ZNF827: variants seen among roughly 807,000 people sequenced by gnomAD.
ZNF827 encodes the protein zinc finger protein 827.
A neutral mutation model predicts 102.4 loss-of-function variants in ZNF827; 13 were observed. The observed-to-expected ratio is 0.13, with a 90% CI of 0.08 to 0.20. The LOEUF is 0.20. Among genes scored for constraint, ZNF827 ranks in the 10% least tolerant of loss-of-function variants. The pLI is 1.00. For missense variants in ZNF827, 1,103 were observed against 1,344.4 expected, an observed-to-expected ratio of 0.82 and a Z score of 2.81; for synonymous variants, 523 against 536.2, an observed-to-expected ratio of 0.98 and a Z score of 0.34.
At position 145,823,318 on chromosome 4, in the gene ZNF827, A is replaced by T. The variant is rs978422146; in HGVS notation, c.2383+104T>A. On this transcript the variant is annotated intron_variant, in intron 8 of 14. Coordinates refer to ENST00000508784, the MANE Select transcript of ZNF827 (RefSeq NM_001306215.2). ...CTTTTCTAAAACCTAACCTTATATG[A>T]ATAACTACATCCGTAAGCTGAAAGT... 1.2e-5 allele frequency: 11 copies of T among 931,124 alleles called. No individual in the cohort carries two copies. The African/African-American group carries it at 1.7e-4, about 14-fold the overall frequency. The allele number at this position is 931,124 out of a possible 1,614,324, so 57.7% of individuals were successfully genotyped here.
At chr4:145,802,867 G>A (rs1741051997) in intron 8 of ZNF827, among the ~76,000 whole-genome samples, 1 of 152,176 alleles carries the variant, frequency 6.6e-6, no homozygotes. Context: ...TTGAGCCTTG[G>A]AGATTGAGGC....
intron 4 of ZNF827, among the ~76,000 whole-genome samples, chr4:145,871,860 GA>G (rs1485878048): frequency 6.6e-6 from 1 of 152,128 alleles, no homozygotes; most frequent in Non-Finnish European, 1.5e-5. Flanking sequence ...GAACTATCTG[GA>G]AGTTTCACTA....
intron 5 of ZNF827, among the ~76,000 whole-genome samples, 185 bp from the exon 6 acceptor site, chr4:145,849,746 G>C (rs1433619748): frequency 1.3e-5 from 2 of 152,158 alleles, no homozygotes; most frequent in East Asian, 3.9e-4. Context: ...GAAAAGGTAG[G>C]AGACTTCAGT....
At chr4:145,917,645 T>C (rs1752751733) in intron 1 of ZNF827, among the ~76,000 whole-genome samples, 1 of 140,994 alleles carries the variant, frequency 7.1e-6, no homozygotes, top group Non-Finnish European at 1.5e-5. Flanking sequence ...AGATTGAAGT[T>C]TGGAAACATG....
In ZNF827 at chr4:145,760,734, T is replaced by TTTG; in HGVS notation, c.*881_*882insCAA. 1 of 998,474 alleles carries TTTG rather than the reference T, an allele frequency of 1.0e-6. No individual in the cohort carries two copies. Among genetic ancestry groups the TTTG allele is most frequent in the Non-Finnish European group, 1.2e-6 (1 of 828,770 alleles). 61.9% of individuals were successfully genotyped at this position (998,474 alleles called of 1,614,324 possible). On this transcript the variant is annotated 3_prime_UTR_variant, in exon 15 of 15. Coordinates refer to ENST00000508784, the MANE Select transcript of ZNF827 (RefSeq NM_001306215.2). Reference sequence around the variant, plus strand: ...TAAGTTTTGTGGTTTTTTTTTTTTTTTTTGTCTTTTGTCTCTCTGTTTTTG... The same window carrying TTTG: ...TAAGTTTTGTGGTTTTTTTTTTTTTTTTGTTTGTCTTTTGTCTCTCTGTTTTTG...
chr4:145,918,000 G>A (rs1303560117), intron 1 of ZNF827, among the ~76,000 whole-genome samples: 1 of 152,120 alleles, frequency 6.6e-6, no homozygotes, highest in Non-Finnish European at 1.5e-5. Flanking sequence ...GCAATTTAAA[G>A]AAGTTATTTG....
intron 8 of ZNF827, among the ~76,000 whole-genome samples, chr4:145,785,926 T>A (rs760325455): frequency 3.1e-4 from 47 of 152,210 alleles, no homozygotes; most frequent in Non-Finnish European, 4.9e-4. Context: ...TTATTAAAAG[T>A]ATAAGCCTAG....
intron 1 of ZNF827, among the ~76,000 whole-genome samples, chr4:145,930,978 TACA>T (rs771014463): frequency 5.3e-5 from 8 of 152,188 alleles, no homozygotes; most frequent in Non-Finnish European, 8.8e-5. Flanking sequence ...ACTTTGTAAC[TACA>T]ACAATTCTAG....
intron 8 of ZNF827, among the ~76,000 whole-genome samples, chr4:145,807,374 A>G (rs893297264): frequency 6.6e-6 from 1 of 152,210 alleles, no homozygotes; most frequent in African/African-American, 2.4e-5. Flanking sequence ...AAACTAGAAG[A>G]AGAGAGACAA....
intron 8 of ZNF827, among the ~76,000 whole-genome samples, chr4:145,790,626 C>A (rs57323051): frequency 0.029 from 4,386 of 152,212 alleles, 197 homozygotes; most frequent in African/African-American, 0.099. Flanking sequence ...AGATTGGAAT[C>A]CACTGGTATC....
At chr4:145,907,282 T>G in intron 1 of ZNF827, 1 of 451,974 alleles carries the variant, frequency 2.2e-6, no homozygotes, top group East Asian at 7.0e-5. Context: ...AATGTTGCAG[T>G]GGTCTAGCTA....
rs1259661227 is a variant in ZNF827 at position 145,761,661 on chromosome 4, C to T, written c.*18-63G>A. 1.8e-5 allele frequency: 19 copies of T among 1,037,818 alleles called. No individual in the cohort carries two copies. The highest frequency in any genetic ancestry group is 2.3e-5 in the Non-Finnish European group (18 of 787,152). The allele number at this position is 1,037,818 out of a possible 1,614,324, so 64.3% of individuals were successfully genotyped here. ...AAGGTTCGGAGGCAGCCGCGCTTCT[C>T]GCCGCCTCACCAGCCTTCCCTCACA... On this transcript the variant is annotated intron_variant, in intron 14 of 14. Transcript: ENST00000508784. This position sits in a 1 kb window ranked among gnomAD's most constrained non-coding sequence, Gnocchi z 6.8.
At chr4:145,799,419 CA>C (rs1176577181) in intron 8 of ZNF827, among the ~76,000 whole-genome samples, 3 of 152,148 alleles carry the variant, frequency 2.0e-5, no homozygotes, top group Non-Finnish European at 4.4e-5. Context: ...GGAAGTCTGG[CA>C]CGGAAGGCTG....
intron 4 of ZNF827, among the ~76,000 whole-genome samples, chr4:145,882,452 G>A (rs1281789749): frequency 6.6e-6 from 1 of 152,148 alleles, no homozygotes; most frequent in African/African-American, 2.4e-5. Flanking sequence ...CAGAAGAATA[G>A]CTGATAGTTT....
chr4:145,773,964 T>C (rs776293145), intron 11 of ZNF827, among the ~76,000 whole-genome samples: 1 of 152,132 alleles, frequency 6.6e-6, no homozygotes, highest in East Asian at 1.9e-4. Context: ...GAGCAAGCTC[T>C]GGAATGAAAA....
At chr4:145,897,338 G>A (rs1751060685) in intron 2 of ZNF827, among the ~76,000 whole-genome samples, 2 of 152,198 alleles carry the variant, frequency 1.3e-5, no homozygotes, top group African/African-American at 4.8e-5. Flanking sequence ...CAAACTTCCT[G>A]TTGTTCAATC....
chr4:145,870,689 T>G, intron 4 of ZNF827: 1 of 499,218 alleles, frequency 2.0e-6, no homozygotes, highest in Non-Finnish European at 3.6e-6. Context: ...TCTGAATCTT[T>G]TGAACCTAAA....
intron 1 of ZNF827, among the ~76,000 whole-genome samples, chr4:145,912,181 A>C (rs1752343343): frequency 6.6e-6 from 1 of 152,238 alleles, no homozygotes; most frequent in Admixed American, 6.5e-5. Flanking sequence ...GATGGGATTT[A>C]AAAGTGCACA....
chr4:145,804,554 G>A (rs1259118463), intron 8 of ZNF827, among the ~76,000 whole-genome samples: 1 of 152,150 alleles, frequency 6.6e-6, no homozygotes, highest in Admixed American at 6.6e-5. Flanking sequence ...CAGATATTAC[G>A]AGTAACAAAG....
Sources: gnomAD v4.1 joint callset for allele counts (sites outside exome capture counted in the v4.1 genomes callset) on GRCh38, gnomAD v4.1.1 for gene constraint, Gnocchi (gnomAD v3.1) non-coding constraint, MANE v1.5 for transcripts, NCBI Gene and HGNC (gene_info 2026-07-23, HGNC 2026-07-21) for gene names.